ZFHX4: variants seen among roughly 807,000 people sequenced by gnomAD.
ZFHX4 encodes zinc finger homeobox protein 4.
A neutral mutation model predicts 267.6 loss-of-function variants in ZFHX4; 56 were observed. The ratio of observed to expected loss-of-function variants is 0.21; its 90% CI spans 0.17 to 0.26. The LOEUF (loss-of-function observed/expected upper bound fraction) is 0.26, where lower values mean the gene tolerates loss of function less well. ZFHX4 is among the 10% of genes least tolerant of loss of function. ZFHX4 has a pLI of 1.00. For synonymous variants in ZFHX4, 1,778 were observed against 1,665.6 expected (o/e 1.07, Z -1.64); for missense variants, 4,332 against 4,420.0 (o/e 0.98, Z 0.56).
chr8:76,708,145 A>AG (rs369853763), intron 3 of ZFHX4, 97 bp downstream of exon 3: 1 of 1,498,066 alleles, frequency 6.7e-7, no homozygotes, highest in East Asian at 2.3e-5. Context: ...GGAAAAAAAA[A>AG]GAGAAAAAAC....
intron 3 of ZFHX4, among the ~76,000 whole-genome samples, chr8:76,713,278 TAGAA>T (rs1206209712): frequency 2.9e-5 from 4 of 136,198 alleles, no homozygotes; most frequent in South Asian, 2.4e-4. Flanking sequence ...GAGAGATAGA[TAGAA>T]AGATAGATAG....
chr8:76,728,692 G>A (rs1026994888), intron 3 of ZFHX4, among the ~76,000 whole-genome samples: 2 of 152,040 alleles, frequency 1.3e-5, no homozygotes, highest in African/African-American at 4.8e-5. Context: ...TCAAAATGAG[G>A]TCCTTGCAAA....
Position 76,706,072 on chromosome 8 carries a change from C to T in ZFHX4, c.1984C>T (p.His662Tyr). 3 of 1,613,658 alleles carry T rather than the reference C, an allele frequency of 1.9e-6. No homozygotes were observed. The highest frequency in any genetic ancestry group is 2.5e-6 in the Non-Finnish European group (3 of 1,179,822). The change falls in exon 2 of 11, where the codon CAT becomes TAT. Residue 662 changes from histidine (H) to tyrosine (Y), a missense_variant. His to Tyr is a moderately conservative substitution (Grantham distance 83). Coordinates refer to ENST00000651372, the MANE Select transcript of ZFHX4 (RefSeq NM_024721.5). ...HYKYQQTLEA[H>Y]MKEKHPEPGG... is the part of the protein sequence containing the mutation. ...CAAATATCAGCAGACCCTGGAGGCC[C>T]ATATGAAGGAGAAACACCCTGAGCC...
At chr8:76,831,559 A>AAG (rs1163424682) in intron 4 of ZFHX4, among the ~76,000 whole-genome samples, 1 of 152,238 alleles carries the variant, frequency 6.6e-6, no homozygotes, top group African/African-American at 2.4e-5. Flanking sequence ...ATTTTGTATC[A>AAG]AAGTGTCTTA....
intron 3 of ZFHX4, among the ~76,000 whole-genome samples, chr8:76,744,980 AAGTC>A (rs1809421600): frequency 6.6e-6 from 1 of 152,168 alleles, no homozygotes. Flanking sequence ...TGTGATGCCC[AAGTC>A]AGTGTAGGAA....
Position 76,706,293 on chromosome 8 carries a change from T to C in ZFHX4, c.2205T>C (p.Gly735=), listed in dbSNP as rs768215157. 2 of 1,614,122 alleles carry C rather than the reference T, an allele frequency of 1.2e-6. No individual in the cohort carries two copies. Among genetic ancestry groups the C allele is most frequent in the South Asian group, 2.2e-5 (2 of 91,082 alleles). The change falls in exon 2 of 11, where the codon GGT becomes GGC. Residue 735 remains glycine, a synonymous_variant. Coordinates refer to ENST00000651372, the MANE Select transcript of ZFHX4 (RefSeq NM_024721.5). The part of the protein sequence containing the change: ...NNVQNLQNGN[G]EQVFGHSAPA... The stretch of plus-strand genomic sequence containing the variant: ...TTCAGAATCTCCAAAATGGCAATGG[T>C]GAGCAGGTGTTTGGCCACTCTGCCC...
At chr8:76,850,067 T>C in intron 8 of ZFHX4, 178 bp from the exon 9 acceptor site, 1 of 593,668 alleles carries the variant, frequency 1.7e-6, no homozygotes, top group Non-Finnish European at 3.0e-6. Context: ...AATACAACAT[T>C]GCCACAGCAT....
In ZFHX4 at chr8:76,706,626, C is replaced by A. The variant is rs549015063; in HGVS notation, c.2538C>A (p.Ile846=). 2 of 1,606,140 alleles carry A rather than the reference C, an allele frequency of 1.2e-6. No individual in the cohort carries two copies. The highest frequency in any genetic ancestry group is 1.7e-5 in the Admixed American group (1 of 59,212). ...LENPADPQLM[I]NPFQLDPATA... ...ACCCTGCCGACCCTCAGCTGATGAT[C>A]AATCCATTCCAGCTGGATCCAGCGA... is the stretch of plus-strand genomic sequence containing the variant. Residue 846 remains isoleucine (I), a synonymous_variant, in exon 2 of 11, where the codon ATC becomes ATA. Coordinates refer to ENST00000651372, the MANE Select transcript of ZFHX4 (RefSeq NM_024721.5).
At chr8:76,859,663 T>C (rs951074907) in intron 10 of ZFHX4, among the ~76,000 whole-genome samples, 7 of 152,260 alleles carry the variant, frequency 4.6e-5, no homozygotes, top group Admixed American at 1.3e-4. Flanking sequence ...GAACATGCCT[T>C]TTGCATTTTT....
At chr8:76,733,120 T>C (rs1461784454) in intron 3 of ZFHX4, among the ~76,000 whole-genome samples, 1 of 152,162 alleles carries the variant, frequency 6.6e-6, no homozygotes, top group African/African-American at 2.4e-5. Flanking sequence ...GGATTTCCAA[T>C]GATTGTTCAG....
chr8:76,815,621 C>A (rs1811485314), intron 4 of ZFHX4, among the ~76,000 whole-genome samples: 1 of 152,094 alleles, frequency 6.6e-6, no homozygotes, highest in South Asian at 2.1e-4. Context: ...CCTGCCTCAG[C>A]CTCTGGGATA....
intron 4 of ZFHX4, among the ~76,000 whole-genome samples, chr8:76,780,704 A>C: frequency 6.6e-6 from 1 of 152,156 alleles, no homozygotes; most frequent in Admixed American, 6.6e-5. Context: ...TATGAGTTTA[A>C]CAAATACATT....
intron 10 of ZFHX4, among the ~76,000 whole-genome samples, chr8:76,857,355 TA>T (rs2131967455): frequency 1.1e-4 from 1 of 9,092 alleles, no homozygotes; most frequent in Admixed American, 1.1e-3. Flanking sequence ...TCACTAATTT[TA>T]TATATATATA....
chr8:76,688,820 G>T (rs1177707217), intron 1 of ZFHX4, among the ~76,000 whole-genome samples: 1 of 152,068 alleles, frequency 6.6e-6, no homozygotes, highest in East Asian at 1.9e-4. Flanking sequence ...TCAGAACAAG[G>T]TTAGAAGATC....
At chr8:76,710,379 G>A (rs1489887570) in intron 3 of ZFHX4, among the ~76,000 whole-genome samples, 1 of 152,160 alleles carries the variant, frequency 6.6e-6, no homozygotes, top group Non-Finnish European at 1.5e-5. Context: ...GGATTTTCAA[G>A]TGCAGTAATG....
At chr8:76,711,181 AT>A (rs923140689) in intron 3 of ZFHX4, among the ~76,000 whole-genome samples, 5 of 152,086 alleles carry the variant, frequency 3.3e-5, no homozygotes, top group Non-Finnish European at 5.9e-5. Flanking sequence ...AGCTATATTC[AT>A]TTTTGGCAGC....
intron 3 of ZFHX4, among the ~76,000 whole-genome samples, chr8:76,713,410 G>A (rs1231620169): frequency 6.6e-6 from 1 of 152,156 alleles, no homozygotes; most frequent in African/African-American, 2.4e-5. Flanking sequence ...TAGATAGAAT[G>A]ATTTTTATTG....
At chr8:76,714,460 C>A (rs1366920017) in intron 3 of ZFHX4, among the ~76,000 whole-genome samples, 2 of 152,094 alleles carry the variant, frequency 1.3e-5, no homozygotes, top group East Asian at 1.9e-4. Flanking sequence ...TGCCTGCCCC[C>A]CAAATTATCA....
chr8:76,804,720 G>C (rs1375928459), intron 4 of ZFHX4, among the ~76,000 whole-genome samples: 2 of 135,360 alleles, frequency 1.5e-5, no homozygotes. Flanking sequence ...TGTTGATTTG[G>C]GGTTACCTTT....
Sources: allele counts gnomAD v4.1 joint callset (sites outside exome capture counted in the v4.1 genomes callset), GRCh38; gene constraint gnomAD v4.1.1; transcripts MANE v1.5; gene names NCBI Gene and HGNC (gene_info 2026-07-23, HGNC 2026-07-21).